MAMDC2: variants seen among roughly 807,000 people sequenced by gnomAD.
The protein encoded by MAMDC2 is MAM domain-containing protein 2.
In MAMDC2, 57 loss-of-function variants were observed where a neutral mutation model predicts 89.8. The ratio of observed to expected loss-of-function variants is 0.63; its 90% CI spans 0.51 to 0.79. The LOEUF is 0.79. Among genes scored for constraint, MAMDC2 ranks in the 30% least tolerant of loss-of-function variants. The pLI, the probability that MAMDC2 is intolerant of heterozygous loss-of-function variation, is 0.00. For synonymous variants in MAMDC2, 313 were observed against 293.4 expected (o/e 1.07, Z -0.68); for missense variants, 800 against 820.6 (o/e 0.97, Z 0.31).
intron 11 of MAMDC2, chr9:70,172,699 G>C (rs1428339234): frequency 2.0e-5 from 3 of 152,692 alleles, no homozygotes; most frequent in Admixed American, 1.3e-4. Context: ...ATGCAGCTTG[G>C]TCCTACTGCT....
At position 70,080,735 on chromosome 9, in the gene MAMDC2, G is replaced by A. The variant is rs1334763864; in HGVS notation, c.149-27476G>A. 2.6e-5 allele frequency among the ~76,000 whole-genome samples: 4 copies of A among 152,176 alleles called. No individual in the cohort carries two copies. In the South Asian group the frequency reaches 8.3e-4, roughly 32 times the overall value. ...TTCCTAAACCACGTCTTGTGGCCAA[G>A]TGCAAACTGAACATCGAGGAATGGA... On this transcript the variant is annotated intron_variant, in intron 2 of 13. Coordinates refer to ENST00000377182, the MANE Select transcript of MAMDC2 (RefSeq NM_153267.5).
intron 2 of MAMDC2, among the ~76,000 whole-genome samples, chr9:70,079,910 T>C (rs372720297): frequency 6.6e-6 from 1 of 152,166 alleles, no homozygotes; most frequent in Non-Finnish European, 1.5e-5. Flanking sequence ...TAAAACTGAA[T>C]GAAAGTTTGT....
chr9:70,162,583 C>T (rs551262812), intron 9 of MAMDC2, among the ~76,000 whole-genome samples: 29 of 150,882 alleles, frequency 1.9e-4, no homozygotes, highest in African/African-American at 6.8e-4. Flanking sequence ...CTCAACCTCC[C>T]GGGCCGAGGT....
chr9:70,097,232 C>G (rs891109883), intron 2 of MAMDC2, among the ~76,000 whole-genome samples: 2 of 152,174 alleles, frequency 1.3e-5, no homozygotes, highest in Non-Finnish European at 2.9e-5. Context: ...TATTAAGGTT[C>G]TCTGGAGGTT....
chr9:70,131,714 C>T, intron 7 of MAMDC2, 102 bp downstream of exon 7: 2 of 843,094 alleles, frequency 2.4e-6, no homozygotes, highest in Admixed American at 2.5e-5. Flanking sequence ...CATATCTTTC[C>T]CCTTCTGTCA....
chr9:70,047,378 G>T (rs928397322), intron 2 of MAMDC2, among the ~76,000 whole-genome samples: 1 of 151,976 alleles, frequency 6.6e-6, no homozygotes, highest in Non-Finnish European at 1.5e-5. Flanking sequence ...ACAGGCCCCG[G>T]TGTGTGAAGT....
rs563978889 is a variant in MAMDC2 at position 70,168,320 on chromosome 9, C to T, written c.1405-382C>T. On this transcript the variant is annotated intron_variant, in intron 9 of 13. Transcript: ENST00000377182. The stretch of plus-strand genomic sequence containing the variant: ...CAGCCTGGCCAACATGGTGAAACCC[C>T]GTCTCTACTAAAAATACAAAAATTA... Among the ~76,000 whole-genome samples the T allele has an allele frequency of 2.6e-3, 394 of 152,178 alleles. 5 individuals carry two copies. Among genetic ancestry groups the T allele is most frequent in the African/African-American group, 8.9e-3 (371 of 41,534 alleles).
At chr9:70,221,380 T>TATATATATATAGAGAGAGAGAGAGAG in intron 12 of MAMDC2, among the ~76,000 whole-genome samples, 7 of 7,032 alleles carry the variant, frequency 1.0e-3, no homozygotes, top group Non-Finnish European at 1.8e-3. Flanking sequence ...TATATATATA[T>TATATATATATAGAGAGAGAGAGAGAG]AGAGAGAGAG....
rs1827944717 is a variant in MAMDC2 at position 70,093,172 on chromosome 9, G to T, written c.149-15039G>T. Among the ~76,000 whole-genome samples, 2 of 152,050 alleles carry T rather than the reference G, an allele frequency of 1.3e-5. 1 individual carries two copies. The highest frequency in any genetic ancestry group is 4.1e-4 in the South Asian group (2 of 4,834). On this transcript the variant is annotated intron_variant, in intron 2 of 13. Coordinates refer to ENST00000377182, the MANE Select transcript of MAMDC2 (RefSeq NM_153267.5). Reference sequence around the variant, plus strand: ...CTTCTTGCTTAAATGAAGCTGAAAGGTATATAACTCTTTTGTTTGACAGAA... The same window carrying T: ...CTTCTTGCTTAAATGAAGCTGAAAGTTATATAACTCTTTTGTTTGACAGAA...
intron 9 of MAMDC2, among the ~76,000 whole-genome samples, chr9:70,150,115 CCT>C (rs1384597025): frequency 6.6e-6 from 1 of 152,184 alleles, no homozygotes; most frequent in African/African-American, 2.4e-5. Context: ...GCCAGGAACC[CCT>C]GTCAAGGCTT....
chr9:70,137,538 T>C (rs1215303500), intron 7 of MAMDC2, among the ~76,000 whole-genome samples: 1 of 152,172 alleles, frequency 6.6e-6, no homozygotes, highest in Non-Finnish European at 1.5e-5. Context: ...CCTGGTAGCA[T>C]TTGATTGTCA....
At chr9:70,173,929 G>A (rs753853355) in intron 11 of MAMDC2, among the ~76,000 whole-genome samples, 41 of 152,150 alleles carry the variant, frequency 2.7e-4, no homozygotes, top group Non-Finnish European at 5.0e-4. Context: ...TAGAAAATGA[G>A]AATAATCATA....
At chr9:70,139,198 G>T in intron 7 of MAMDC2, among the ~76,000 whole-genome samples, 1 of 148,254 alleles carries the variant, frequency 6.7e-6, no homozygotes, top group African/African-American at 2.5e-5. Context: ...GTATACATGT[G>T]CCATGCTGGT....
At chr9:70,126,819 G>A (rs968276790) in intron 6 of MAMDC2, among the ~76,000 whole-genome samples, 3 of 150,762 alleles carry the variant, frequency 2.0e-5, no homozygotes, top group Non-Finnish European at 4.4e-5. Context: ...CCTTACTTGA[G>A]TGAACTGTTT....
intron 2 of MAMDC2, 44 bp downstream of exon 2, chr9:70,044,741 C>T (rs1283798730): frequency 1.4e-6 from 2 of 1,396,326 alleles, no homozygotes; most frequent in South Asian, 1.2e-5. Context: ...AACTTTCTTC[C>T]TTGATGGCTT....
chr9:70,112,492 G>C (rs1828537047), intron 4 of MAMDC2, among the ~76,000 whole-genome samples: 1 of 152,150 alleles, frequency 6.6e-6, no homozygotes, highest in South Asian at 2.1e-4. Context: ...ATCATGAGAA[G>C]AGAAAGGAAT....
intron 8 of MAMDC2, among the ~76,000 whole-genome samples, chr9:70,143,147 A>G (rs1356402177): frequency 1.3e-5 from 2 of 152,214 alleles, no homozygotes; most frequent in African/African-American, 4.8e-5. Flanking sequence ...CACTAAGGAG[A>G]TAATAAGGAA....
At chr9:70,153,844 T>A (rs2031658340) in intron 9 of MAMDC2, 1 of 152,190 alleles carries the variant, frequency 6.6e-6, no homozygotes, top group African/African-American at 2.4e-5. Context: ...TGTCAGCCCT[T>A]CTCATCTTAT....
intron 2 of MAMDC2, among the ~76,000 whole-genome samples, chr9:70,054,581 T>C (rs945287408): frequency 6.6e-6 from 1 of 151,716 alleles, no homozygotes; most frequent in Non-Finnish European, 1.5e-5. Context: ...AAAGTTTTAT[T>C]TTTTTTTTCG....
Sources: allele counts gnomAD v4.1 joint callset (sites outside exome capture counted in the v4.1 genomes callset), GRCh38; gene constraint gnomAD v4.1.1; transcripts MANE v1.5; gene names NCBI Gene and HGNC (gene_info 2026-07-23, HGNC 2026-07-21).